DPP10: variants seen among roughly 807,000 people sequenced by gnomAD.
The protein encoded by DPP10 is dipeptidyl peptidase like 10, also known as inactive dipeptidyl peptidase 10.
DPP10 carries 33 observed loss-of-function variants against 120.9 expected under a neutral mutation model. The ratio of observed to expected loss-of-function variants is 0.27; its 90% CI spans 0.21 to 0.37. DPP10 has a LOEUF of 0.37. Ranked by LOEUF, DPP10 falls within the 10% of genes least tolerant of loss-of-function variation. DPP10 has a pLI of 1.00. For synonymous variants in DPP10, 337 were observed against 326.1 expected, an observed-to-expected ratio of 1.03 and a Z score of -0.36; for missense variants, 816 against 942.8, an observed-to-expected ratio of 0.87 and a Z score of 1.76.
intron 2 of DPP10, among the ~76,000 whole-genome samples, chr2:115,331,452 G>A (rs560568984): frequency 1.2e-4 from 18 of 152,158 alleles, no homozygotes; most frequent in Middle Eastern, 3.4e-3. Context: ...AGAACTTCCA[G>A]CACTATGTTG....
chr2:115,322,051 A>G (rs2062089836), intron 2 of DPP10, among the ~76,000 whole-genome samples: 2 of 152,146 alleles, frequency 1.3e-5, no homozygotes, highest in South Asian at 4.1e-4. Context: ...CCCCAGCAGC[A>G]GTTTCTATTA....
chr2:115,006,706 A>T (rs1387806629), intron 1 of DPP10, among the ~76,000 whole-genome samples: 1 of 151,922 alleles, frequency 6.6e-6, no homozygotes, highest in African/African-American at 2.4e-5. Context: ...AGGAGCACCC[A>T]GATTCATAAA....
At chr2:115,604,306 C>T (rs2083556486) in intron 5 of DPP10, among the ~76,000 whole-genome samples, 1 of 152,116 alleles carries the variant, frequency 6.6e-6, no homozygotes, top group Non-Finnish European at 1.5e-5. Flanking sequence ...ATGCCACAGA[C>T]ATTTGGTCTC....
chr2:114,621,114 G>A (rs895178552), intron 1 of DPP10, among the ~76,000 whole-genome samples: 4 of 151,980 alleles, frequency 2.6e-5, no homozygotes, highest in African/African-American at 4.8e-5. Context: ...TCTCCACTGA[G>A]AATGAAACAC....
At chr2:115,369,235 C>T (rs2065254201) in intron 3 of DPP10, among the ~76,000 whole-genome samples, 1 of 151,958 alleles carries the variant, frequency 6.6e-6, no homozygotes, top group South Asian at 2.1e-4. Context: ...CAATAACACA[C>T]ACTGGTGATA....
At chr2:114,537,591 A>G (rs1686617671) in intron 1 of DPP10, among the ~76,000 whole-genome samples, 1 of 152,154 alleles carries the variant, frequency 6.6e-6, no homozygotes, top group African/African-American at 2.4e-5. Context: ...AATAATGACA[A>G]CAATGCATCA....
chr2:114,963,870 T>G (rs1032543589), intron 1 of DPP10, among the ~76,000 whole-genome samples: 1 of 152,112 alleles, frequency 6.6e-6, no homozygotes, highest in African/African-American at 2.4e-5. Flanking sequence ...AGAACAGAAC[T>G]AGAAGAGGAG....
intron 1 of DPP10, among the ~76,000 whole-genome samples, chr2:115,177,498 C>T (rs913860796): frequency 5.3e-5 from 8 of 152,162 alleles, no homozygotes; most frequent in African/African-American, 1.9e-4. Flanking sequence ...ATAACATATT[C>T]ATGTAGTTCA....
intron 1 of DPP10, among the ~76,000 whole-genome samples, chr2:114,537,226 A>T (rs1430109): frequency 0.032 from 4,825 of 152,280 alleles, 201 homozygotes; most frequent in African/African-American, 0.1. Context: ...GGATAGAAAC[A>T]GTCGGCTAGA....
At chr2:115,412,473 G>GAAACACT (rs2069028233) in intron 3 of DPP10, among the ~76,000 whole-genome samples, 2 of 152,144 alleles carry the variant, frequency 1.3e-5, no homozygotes, top group Non-Finnish European at 2.9e-5. Flanking sequence ...TGTAAATACA[G>GAAACACT]GTGTCTACTC....
At chr2:115,805,489 G>A (rs900774293) in intron 19 of DPP10, among the ~76,000 whole-genome samples, 3 of 151,878 alleles carry the variant, frequency 2.0e-5, no homozygotes, top group African/African-American at 7.3e-5. Flanking sequence ...TACCTCAGCT[G>A]GAAATGCAGA....
chr2:114,973,171 T>C (rs937310002), intron 1 of DPP10, among the ~76,000 whole-genome samples: 4 of 152,154 alleles, frequency 2.6e-5, no homozygotes, highest in African/African-American at 7.2e-5. Flanking sequence ...GCTGTCTTAA[T>C]GTCATAGCAC....
chr2:115,234,729 T>G (rs912931431), intron 1 of DPP10: 13 of 152,246 alleles, frequency 8.5e-5, no homozygotes, highest in Admixed American at 6.5e-5. Context: ...AAAACTGTTC[T>G]GAAATATATA....
At chr2:115,456,651 T>C (rs1350116478) in intron 3 of DPP10, among the ~76,000 whole-genome samples, 1 of 152,098 alleles carries the variant, frequency 6.6e-6, no homozygotes, top group Non-Finnish European at 1.5e-5. Context: ...TGAGTTCCTG[T>C]CCTTTGGAGG....
At chr2:114,938,298 G>T (rs1311024256) in intron 1 of DPP10, among the ~76,000 whole-genome samples, 1 of 151,736 alleles carries the variant, frequency 6.6e-6, no homozygotes, top group East Asian at 1.9e-4. Context: ...TTATTAAATG[G>T]GTATAAAAAT....
chr2:115,391,919 T>C (rs1051853950), intron 3 of DPP10, among the ~76,000 whole-genome samples: 1 of 152,068 alleles, frequency 6.6e-6, no homozygotes, highest in Non-Finnish European at 1.5e-5. Context: ...TCAGCTGATA[T>C]GATGATTTGT....
intron 1 of DPP10, among the ~76,000 whole-genome samples, chr2:114,821,931 T>C (rs1686124071): frequency 6.6e-6 from 1 of 152,148 alleles, no homozygotes; most frequent in Non-Finnish European, 1.5e-5. Flanking sequence ...TTTCATGGGC[T>C]GGAGTTGAGT....
chr2:114,504,655 T>G (rs1683480404), intron 1 of DPP10, among the ~76,000 whole-genome samples: 1 of 152,210 alleles, frequency 6.6e-6, no homozygotes, highest in Non-Finnish European at 1.5e-5. Context: ...CCAGCCACTA[T>G]TCTCAACACA....
At chr2:114,859,724 C>T (rs941713376) in intron 1 of DPP10, among the ~76,000 whole-genome samples, 7 of 152,198 alleles carry the variant, frequency 4.6e-5, no homozygotes, top group Non-Finnish European at 1.0e-4. Flanking sequence ...ATCCACCTAT[C>T]TGGGATCTTT....
Sources: allele counts gnomAD v4.1 joint callset (sites outside exome capture counted in the v4.1 genomes callset), GRCh38; gene constraint gnomAD v4.1.1; transcripts MANE v1.5; gene names NCBI Gene and HGNC (gene_info 2026-07-23, HGNC 2026-07-21).